ZYG11B: variants seen among roughly 807,000 people sequenced by gnomAD.
ZYG11B encodes the protein zyg-11 family member B, cell cycle regulator.
A neutral mutation model predicts 82.4 loss-of-function variants in ZYG11B; 36 were observed. That is an observed-to-expected ratio of 0.44 (90% CI 0.33 to 0.58). The LOEUF (loss-of-function observed/expected upper bound fraction) is 0.58, where lower values mean the gene tolerates loss of function less well. ZYG11B is among the 20% of genes least tolerant of loss of function. The pLI, the probability that ZYG11B is intolerant of heterozygous loss-of-function variation, is 0.02. For missense variants in ZYG11B, 552 were observed against 895.6 expected (o/e 0.62, Z 4.90); for synonymous variants, 303 against 312.8 (o/e 0.97, Z 0.33).
intron 2 of ZYG11B, among the ~76,000 whole-genome samples, chr1:52,769,033 T>G (rs1644723941): frequency 6.6e-6 from 1 of 152,224 alleles, no homozygotes; most frequent in Non-Finnish European, 1.5e-5. Flanking sequence ...TGATACTTTA[T>G]ACTTGACATT....
chr1:52,787,187 G>C (rs1644920155), intron 5 of ZYG11B, among the ~76,000 whole-genome samples: 1 of 152,116 alleles, frequency 6.6e-6, no homozygotes, highest in Non-Finnish European at 1.5e-5. Context: ...CCTGTGTTTA[G>C]TCACACATCG....
intron 10 of ZYG11B, among the ~76,000 whole-genome samples, chr1:52,802,883 G>A (rs907709145): frequency 6.6e-6 from 1 of 150,862 alleles, no homozygotes; most frequent in Non-Finnish European, 1.5e-5. Context: ...AGCTGGGTGC[G>A]GTGGCACGCG....
At chr1:52,794,033 G>A (rs1297442761) in intron 6 of ZYG11B, among the ~76,000 whole-genome samples, 2 of 151,692 alleles carry the variant, frequency 1.3e-5, no homozygotes, top group Admixed American at 6.6e-5. Flanking sequence ...GGAGTGCAGT[G>A]GCGTGATCTC....
chr1:52,756,419 G>T (rs1558122877), intron 1 of ZYG11B, 39 bp from the exon 2 acceptor site: 1 of 1,586,576 alleles, frequency 6.3e-7, no homozygotes, highest in Non-Finnish European at 8.6e-7. Context: ...TAACTAGTTG[G>T]TTTTTGTGTT....
intron 3 of ZYG11B, among the ~76,000 whole-genome samples, chr1:52,775,123 A>AT (rs1447514175): frequency 1.3e-5 from 2 of 149,906 alleles, no homozygotes; most frequent in Non-Finnish European, 3.0e-5. Flanking sequence ...CTAAGCCTCA[A>AT]TTTCCTTTGT....
At chr1:52,741,068 C>T (rs1429211627) in intron 1 of ZYG11B, among the ~76,000 whole-genome samples, 5 of 151,596 alleles carry the variant, frequency 3.3e-5, no homozygotes, top group South Asian at 2.1e-4. Flanking sequence ...GAGGCCGAGG[C>T]GGGTGGATCA....
intron 1 of ZYG11B, among the ~76,000 whole-genome samples, chr1:52,734,647 G>A (rs1467902904): frequency 6.7e-6 from 1 of 149,074 alleles, no homozygotes; most frequent in Non-Finnish European, 1.5e-5. Flanking sequence ...TGAAACTCTG[G>A]CTCCAAAAAA....
chr1:52,764,977 G>A (rs1644669444), intron 2 of ZYG11B, among the ~76,000 whole-genome samples: 2 of 151,900 alleles, frequency 1.3e-5, no homozygotes, highest in South Asian at 4.2e-4. Context: ...ATTTATCTTA[G>A]GAAGAAAATT....
rs773578959 is a variant in ZYG11B, at chr1:52,821,635, A to G, written c.*6A>G. The stretch of plus-strand genomic sequence containing the variant: ...CCCAAGCCAGACTAAATTGATAGCC[A>G]TAAGTATTGGATAGTTGAATCACAG... On this transcript the variant is annotated 3_prime_UTR_variant, in exon 14 of 14. Transcript: ENST00000294353. The G allele has an allele frequency of 1.1e-5, 17 of 1,609,256 alleles. No individual in the cohort carries two copies. The highest frequency in any genetic ancestry group is 8.8e-5 in the South Asian group (8 of 90,432).
intron 8 of ZYG11B, among the ~76,000 whole-genome samples, chr1:52,797,318 TAA>T (rs1270347238): frequency 1.6e-3 from 128 of 80,090 alleles, no homozygotes; most frequent in Non-Finnish European, 2.3e-3. Flanking sequence ...TATATACATA[TAA>T]TATATATATT....
chr1:52,787,963 A>G (rs780828861), intron 5 of ZYG11B, among the ~76,000 whole-genome samples: 4 of 152,204 alleles, frequency 2.6e-5, no homozygotes, highest in Non-Finnish European at 4.4e-5. Flanking sequence ...CAGGATTTCA[A>G]AGGGGAAGTG....
chr1:52,744,469 G>A (rs528139196), intron 1 of ZYG11B, among the ~76,000 whole-genome samples: 9 of 152,288 alleles, frequency 5.9e-5, no homozygotes, highest in African/African-American at 1.9e-4. Context: ...AGAACTGAGT[G>A]TCAGAAGAGC....
At chr1:52,818,947 C>T (rs1053733472) in intron 13 of ZYG11B, among the ~76,000 whole-genome samples, 1 of 152,026 alleles carries the variant, frequency 6.6e-6, no homozygotes, top group African/African-American at 2.4e-5. Flanking sequence ...GAACACGCCA[C>T]CATGCCCAGC....
At chr1:52,780,117 G>A (rs1368794589) in intron 4 of ZYG11B, 124 bp downstream of exon 4, 54 of 911,158 alleles carry the variant, frequency 5.9e-5, no homozygotes, top group Non-Finnish European at 7.8e-5. Flanking sequence ...GATTGATGAC[G>A]TGTGATTTCA....
intron 13 of ZYG11B, among the ~76,000 whole-genome samples, chr1:52,819,735 G>A (rs775438439): frequency 2.0e-5 from 3 of 149,418 alleles, no homozygotes; most frequent in Non-Finnish European, 3.0e-5. Context: ...ACAGTGAGCC[G>A]AGATCGCACC....
rs1644859757 is a variant in ZYG11B, at chr1:52,781,903, G to A, written c.1092+1910G>A. 2.0e-5 allele frequency among the ~76,000 whole-genome samples: 3 copies of A among 151,672 alleles called. No homozygotes were observed. In the South Asian group the frequency reaches 6.2e-4, roughly 32 times the overall value. On this transcript the variant is annotated intron_variant, in intron 4 of 13. Transcript: ENST00000294353. Reference sequence around the variant, plus strand: ...GTCACTCCTTTTATATATATCAGAGGATGTTGGCACTTGGTATATGAATTG... The same window carrying A: ...GTCACTCCTTTTATATATATCAGAGAATGTTGGCACTTGGTATATGAATTG...
At chr1:52,811,060 T>G (rs535565472) in intron 10 of ZYG11B, among the ~76,000 whole-genome samples, 5 of 144,032 alleles carry the variant, frequency 3.5e-5, no homozygotes, top group Non-Finnish European at 7.5e-5. Flanking sequence ...AAAGAGAAAT[T>G]TATCTTTCAT....
intron 2 of ZYG11B, among the ~76,000 whole-genome samples, chr1:52,757,915 A>C (rs892875004): frequency 6.6e-6 from 1 of 151,360 alleles, no homozygotes. Flanking sequence ...AAAGAGATAT[A>C]TCTTGGCCGG....
chr1:52,758,850 C>T (rs529585775), intron 2 of ZYG11B, among the ~76,000 whole-genome samples: 44 of 152,290 alleles, frequency 2.9e-4, no homozygotes, highest in African/African-American at 9.6e-4. Flanking sequence ...AAGTCCCTTA[C>T]ACAGCTGCAC....
Sources: gnomAD v4.1 joint callset for allele counts (sites outside exome capture counted in the v4.1 genomes callset) on GRCh38, gnomAD v4.1.1 for gene constraint, MANE v1.5 for transcripts, NCBI Gene and HGNC (gene_info 2026-07-23, HGNC 2026-07-21) for gene names.